GPR39: variants seen among roughly 807,000 people sequenced by gnomAD.
The protein encoded by GPR39 is G protein-coupled receptor 39.
In GPR39, 23 loss-of-function variants were observed where a neutral mutation model predicts 18.4. The observed-to-expected ratio is 1.25, with a 90% CI of 0.90 to 1.77. The LOEUF (loss-of-function observed/expected upper bound fraction) is 1.77, where lower values mean the gene tolerates loss of function less well. Ranked by LOEUF, GPR39 falls within the 40% of genes most tolerant of loss-of-function variation. The pLI, the probability that GPR39 is intolerant of heterozygous loss-of-function variation, is 0.00. For missense variants in GPR39, 647 were observed against 602.4 expected (o/e 1.07, Z -0.78); for synonymous variants, 280 against 257.9 (o/e 1.09, Z -0.82).
intron 1 of GPR39, among the ~76,000 whole-genome samples, chr2:132,507,151 A>G (rs1679149050): frequency 1.3e-5 from 2 of 152,286 alleles, no homozygotes; most frequent in South Asian, 4.1e-4. Context: ...CAATTTCAAC[A>G]TGAATTTTGG....
chr2:132,597,776 A>T (rs903553971), intron 1 of GPR39, among the ~76,000 whole-genome samples: 4 of 152,238 alleles, frequency 2.6e-5, no homozygotes, highest in African/African-American at 9.6e-5. Flanking sequence ...TATGAAAATG[A>T]TGATGAAAAT....
intron 1 of GPR39, among the ~76,000 whole-genome samples, chr2:132,620,942 C>T (rs1018382977): frequency 2.4e-4 from 36 of 152,004 alleles, no homozygotes; most frequent in African/African-American, 8.0e-4. Flanking sequence ...TTAGTAAAGA[C>T]GGGGTTTCAT....
chr2:132,591,692 C>T (rs553569480), intron 1 of GPR39, among the ~76,000 whole-genome samples: 87 of 152,186 alleles, frequency 5.7e-4, no homozygotes, highest in African/African-American at 2.0e-3. Context: ...AATTGTAAAA[C>T]GAGAAACACA....
chr2:132,571,163 C>T (rs905326196), intron 1 of GPR39, among the ~76,000 whole-genome samples: 4 of 152,264 alleles, frequency 2.6e-5, no homozygotes, highest in South Asian at 4.2e-4. Flanking sequence ...GATTAAGAAG[C>T]GATTAAACAA....
At chr2:132,581,336 C>CTTT (rs34169955) in intron 1 of GPR39, among the ~76,000 whole-genome samples, 5 of 143,592 alleles carry the variant, frequency 3.5e-5, no homozygotes, top group Admixed American at 6.9e-5. Context: ...ACGATAGTGA[C>CTTT]TTTTTTTTTT....
chr2:132,638,573 A>G (rs1681806918), intron 1 of GPR39, among the ~76,000 whole-genome samples: 2 of 152,236 alleles, frequency 1.3e-5, no homozygotes, highest in Non-Finnish European at 2.9e-5. Context: ...CAGCCGTTAA[A>G]GACTAAACCA....
intron 1 of GPR39, among the ~76,000 whole-genome samples, chr2:132,630,127 A>G (rs892729064): frequency 6.6e-6 from 1 of 152,174 alleles, no homozygotes; most frequent in African/African-American, 2.4e-5. Context: ...TAGACATAGG[A>G]TAGATCCAGC....
chr2:132,481,851 G>A (rs1411970810), intron 1 of GPR39, among the ~76,000 whole-genome samples: 1 of 152,172 alleles, frequency 6.6e-6, no homozygotes, highest in Non-Finnish European at 1.5e-5. Flanking sequence ...TCCAGCCTCA[G>A]CATGCCCTCC....
At chr2:132,501,635 A>G (rs1435043725) in intron 1 of GPR39, among the ~76,000 whole-genome samples, 3 of 152,052 alleles carry the variant, frequency 2.0e-5, no homozygotes, top group East Asian at 1.9e-4. Flanking sequence ...GTTTAAGTCC[A>G]TTGTTTCTTT....
At position 132,531,945 on chromosome 2, in the gene GPR39, G is replaced by A. The variant is rs1320578893; in HGVS notation, c.857-113156G>A. 3.3e-5 allele frequency among the ~76,000 whole-genome samples: 5 copies of A among 152,110 alleles called. No homozygotes were observed. In the East Asian group the frequency reaches 7.7e-4, roughly 23 times the overall value. ...TAACATCACAATTAAAAGAACTAGA[G>A]AAGCAAGAGCAAACACATTCAAAAA... On this transcript the variant is annotated intron_variant, in intron 1 of 1. Transcript: ENST00000329321.
intron 1 of GPR39, among the ~76,000 whole-genome samples, chr2:132,571,558 G>A (rs1680441278): frequency 6.6e-6 from 1 of 152,114 alleles, no homozygotes; most frequent in South Asian, 2.1e-4. Flanking sequence ...AAATAAAACA[G>A]TTGGGCGTCT....
intron 1 of GPR39, among the ~76,000 whole-genome samples, chr2:132,629,474 A>T (rs536528917): frequency 7.2e-5 from 11 of 152,320 alleles, no homozygotes; most frequent in Admixed American, 2.6e-4. Context: ...TGTATTGTCT[A>T]ATTTGATTCA....
At position 132,468,982 on chromosome 2, in the gene GPR39, A is replaced by G. The variant is rs371118662; in HGVS notation, c.856+51084A>G. 2.3e-4 allele frequency among the ~76,000 whole-genome samples: 35 copies of G among 152,272 alleles called. 2 individuals carry two copies. In the South Asian group the frequency reaches 7.3e-3, roughly 32 times the overall value. On this transcript the variant is annotated intron_variant, in intron 1 of 1. Transcript: ENST00000329321. ...CCAACCAGAGAATGTTGCCCTTGAG[A>G]TTTGACAATGACTGTTGCCTCCTTG...
At chr2:132,575,860 G>C (rs1226318247) in intron 1 of GPR39, among the ~76,000 whole-genome samples, 1 of 152,186 alleles carries the variant, frequency 6.6e-6, no homozygotes, top group Non-Finnish European at 1.5e-5. Flanking sequence ...GGAGCTTTGA[G>C]TGGTGGTTGG....
Position 132,468,702 on chromosome 2 carries a change from G to C in GPR39, c.856+50804G>C, listed in dbSNP as rs568409310. ...GCTCTGGCCATAGCTTACGTGTGCA[G>C]TGGAAGCAGGAGGTGGTTACAGATG... On this transcript the variant is annotated intron_variant, in intron 1 of 1. Coordinates refer to ENST00000329321, the MANE Select transcript of GPR39 (RefSeq NM_001508.3). Among the ~76,000 whole-genome samples the C allele has an allele frequency of 3.3e-5, 5 of 152,340 alleles. No homozygotes were observed. In the South Asian group the frequency reaches 1.0e-3, roughly 32 times the overall value.
chr2:132,461,997 A>G (rs1288807005), intron 1 of GPR39, among the ~76,000 whole-genome samples: 1 of 152,208 alleles, frequency 6.6e-6, no homozygotes, highest in African/African-American at 2.4e-5. Context: ...GATGCAACGC[A>G]GTAAGATTAC....
intron 1 of GPR39, among the ~76,000 whole-genome samples, chr2:132,552,891 C>CAT (rs1491088560): frequency 2.2e-4 from 28 of 125,916 alleles, no homozygotes; most frequent in South Asian, 1.1e-3. Context: ...TATATACACA[C>CAT]ATATATATAT....
intron 1 of GPR39, among the ~76,000 whole-genome samples, chr2:132,428,981 T>C (rs922455569): frequency 1.3e-5 from 2 of 152,172 alleles, no homozygotes; most frequent in African/African-American, 4.8e-5. Context: ...AAGGGGCTTA[T>C]GAGATGCCCA....
At chr2:132,503,210 G>C (rs1679079719) in intron 1 of GPR39, among the ~76,000 whole-genome samples, 1 of 152,134 alleles carries the variant, frequency 6.6e-6, no homozygotes, top group South Asian at 2.1e-4. Context: ...ATATCAGAAG[G>C]AAGATCTTGG....
Sources: allele counts gnomAD v4.1 joint callset (sites outside exome capture counted in the v4.1 genomes callset), GRCh38; gene constraint gnomAD v4.1.1; transcripts MANE v1.5; gene names NCBI Gene and HGNC (gene_info 2026-07-23, HGNC 2026-07-21).